The following HTT variants were observed in gnomAD, a reference collection of about 807,000 sequenced individuals.
HTT encodes the protein huntingtin, also known as huntington disease protein.
Under a neutral mutation model 362.3 loss-of-function variants are expected in HTT, and 104 were observed. The ratio of observed to expected loss-of-function variants is 0.29; its 90% CI spans 0.24 to 0.34. The LOEUF is 0.34. Among genes scored for constraint, HTT ranks in the 10% least tolerant of loss-of-function variants. The probability of loss-of-function intolerance (pLI) is 1.00; values close to 1 mark genes in which losing one functional copy is unlikely to be tolerated. For missense variants in HTT, 3,301 were observed against 3,928.6 expected (o/e 0.84, Z 4.27); for synonymous variants, 1,577 against 1,548.7 (o/e 1.02, Z -0.43).
Position 3,116,078 on chromosome 4 carries a change from C to G in HTT, c.890-7C>G. ...GATGTTAAGATGTCTTGCTTCCACCCCCACAGGCTTACTCGTTCCTGTCGA... is the reference window on the plus strand; with the variant it reads ...GATGTTAAGATGTCTTGCTTCCACCGCCACAGGCTTACTCGTTCCTGTCGA... On this transcript the variant is annotated splice_polypyrimidine_tract_variant and splice_region_variant and intron_variant, in intron 7 of 66. Transcript: ENST00000355072. 1 of 1,600,224 alleles carries G rather than the reference C, an allele frequency of 6.2e-7. No individual in the cohort carries two copies. The highest frequency in any genetic ancestry group is 8.5e-7 in the Non-Finnish European group (1 of 1,169,602).
Position 3,221,241 on chromosome 4 carries a change from T to C in HTT, c.7369+933T>C, listed in dbSNP as rs368302613. ...GGCAGGAGACACCTTGCCTCTACTT[T>C]CCCCTTTATAATTCAATGTCCAAAG... On this transcript the variant is annotated intron_variant, in intron 53 of 66. Transcript: ENST00000355072. Among the ~76,000 whole-genome samples the C allele has an allele frequency of 9.9e-5, 15 of 152,248 alleles. 1 individual carries two copies. The South Asian group carries it at 3.1e-3, about 32-fold the overall frequency.
Position 3,172,204 on chromosome 4 carries a change from C to G in HTT, c.3865-116C>G, listed in dbSNP as rs1387192928. The G allele has an allele frequency of 1.2e-5, 9 of 721,178 alleles. No homozygotes were observed. The East Asian group carries it at 2.0e-4, about 16-fold the overall frequency. 44.7% of individuals were successfully genotyped at this position (721,178 alleles called of 1,614,324 possible). ...AATTGAAAACTTTCCTCTGATTTTC[C>G]TCTACTATTTACACAATTTAAATGG... On this transcript the variant is annotated intron_variant, in intron 29 of 66. Transcript: ENST00000355072.
At chr4:3,197,399 T>C (rs542261991) in intron 40 of HTT, among the ~76,000 whole-genome samples, 1 of 152,168 alleles carries the variant, frequency 6.6e-6, no homozygotes, top group Admixed American at 6.5e-5. Flanking sequence ...GTTAATTAGA[T>C]CATTAGGGAT....
chr4:3,229,001 G>T lies in HTT; in HGVS notation c.8101G>T (p.Val2701Phe). The T allele has an allele frequency of 6.2e-7, 1 of 1,612,556 alleles. No homozygotes were observed. Among genetic ancestry groups the T allele is most frequent in the Non-Finnish European group, 8.5e-7 (1 of 1,178,820 alleles). ...RTPAILISEV[V>F]RSLLVVSDLF... ...CCCGGCCATCCTGATCAGTGAGGTG[G>T]TCAGATCCGTAAGTGAGCCTTCCCA... Residue 2701 changes from valine to phenylalanine, a missense_variant, in exon 59 of 67, where the codon GTC (valine) becomes TTC (phenylalanine). Around this residue, in one of 4 missense-constraint regions of HTT, gnomAD observed 753 missense variants for 1,021.3 expected, o/e 0.74. Coordinates refer to ENST00000355072, the MANE Select transcript of HTT (RefSeq NM_001388492.1).
At position 3,238,487 on chromosome 4, in the gene HTT, A is replaced by G; in HGVS notation, c.8932A>G (p.Arg2978Gly). 6.2e-7 allele frequency: 1 copy of G among 1,612,826 alleles called. No homozygotes were observed. The highest frequency in any genetic ancestry group is 1.3e-5 in the African/African-American group (1 of 75,034). ...TCCTTGTGAAGCCAGAGTGGTGGCC[A>G]GGATCCTGCCCCAGTTTCTAGACGA... is the stretch of plus-strand genomic sequence containing the variant. ...GFPCEARVVARILPQFLDDFF... is the reference protein window; with the variant it reads ...GFPCEARVVAGILPQFLDDFF... The change falls in exon 65 of 67, where the codon AGG becomes GGG. Residue 2978 changes from arginine to glycine, a missense_variant. Physicochemically the swap from Arg to Gly is moderately radical, Grantham distance 125. Around this residue, in one of 4 missense-constraint regions of HTT, gnomAD observed 753 missense variants for 1,021.3 expected, o/e 0.74. Transcript: ENST00000355072.
At chr4:3,161,380 A>T (rs1335053578) in intron 29 of HTT, among the ~76,000 whole-genome samples, 1 of 152,200 alleles carries the variant, frequency 6.6e-6, no homozygotes, top group East Asian at 1.9e-4. Context: ...CACAATAAAC[A>T]TACATGTGCA....
In HTT at chr4:3,074,728, A is replaced by C. The variant is rs1188138849; in HGVS notation, c.-98A>C. ...GGACGGCCGCTCAGGTTCTGCTTTT[A>C]CCTGCGGCCCAGAGCCCCATTCATT... On this transcript the variant is annotated 5_prime_UTR_variant, in exon 1 of 67. Transcript: ENST00000355072. 2.3e-6 allele frequency: 3 copies of C among 1,306,136 alleles called. No homozygotes were observed. Among genetic ancestry groups the C allele is most frequent in the South Asian group, 2.8e-5 (2 of 72,548 alleles). The allele number at this position is 1,306,136 out of a possible 1,614,324, so 80.9% of individuals were successfully genotyped here.
intron 29 of HTT, among the ~76,000 whole-genome samples, chr4:3,171,149 T>C (rs1436665166): frequency 1.3e-5 from 2 of 152,204 alleles, no homozygotes; most frequent in Non-Finnish European, 2.9e-5. Context: ...AAACAAAAAG[T>C]GGTGTGTGAC....
chr4:3,222,547 G>C (rs1476663875), intron 54 of HTT, 60 bp downstream of exon 54: 1 of 1,257,068 alleles, frequency 8.0e-7, no homozygotes, highest in South Asian at 1.3e-5. Flanking sequence ...GCAGGCCTTT[G>C]GTGGGGAATA....
chr4:3,223,307 C>T (rs1158500073), intron 54 of HTT, 99 bp from the exon 55 acceptor site: 2 of 1,218,254 alleles, frequency 1.6e-6, no homozygotes, highest in East Asian at 5.0e-5. Flanking sequence ...CTTAAGGCTC[C>T]TCTTCCTCCC....
rs569401013 is a variant in HTT at position 3,132,552 on chromosome 4, A to G, written c.2237-10A>G. On this transcript the variant is annotated splice_polypyrimidine_tract_variant and intron_variant, in intron 16 of 66. Coordinates refer to ENST00000355072, the MANE Select transcript of HTT (RefSeq NM_001388492.1). ...GAATTGTTCCATGGCTGAGCAATTT[A>G]TCTCCACAGAGGAACAGTATGTCTC... 1.1e-4 allele frequency: 179 copies of G among 1,611,172 alleles called. 2 individuals carry two copies. In the South Asian group the frequency reaches 1.8e-3, roughly 17 times the overall value.
Position 3,137,634 on chromosome 4 carries a change from G to C in HTT, c.2798+1308G>C, listed in dbSNP as rs768646713. On this transcript the variant is annotated intron_variant, in intron 21 of 66. Transcript: ENST00000355072. Reference sequence around the variant, plus strand: ...GAATCACTTGAACCTGGGAGGCGGAGGTTGCAGTGAGCAGAGATCGCGCCA... The same window carrying C: ...GAATCACTTGAACCTGGGAGGCGGACGTTGCAGTGAGCAGAGATCGCGCCA... Among the ~76,000 whole-genome samples, 120 of 152,222 alleles carry C rather than the reference G, an allele frequency of 7.9e-4. 1 individual carries two copies. Among genetic ancestry groups the C allele is most frequent in the Admixed American group, 2.0e-4 (3 of 15,286 alleles).
intron 38 of HTT, among the ~76,000 whole-genome samples, chr4:3,187,382 C>T (rs1394812570): frequency 1.3e-5 from 2 of 152,154 alleles, no homozygotes; most frequent in Non-Finnish European, 2.9e-5. Context: ...GTCGCGATCT[C>T]CTGACCTTGT....
In HTT at chr4:3,228,630, G is replaced by A. The variant is rs749588679; in HGVS notation, c.7864G>A (p.Val2622Met). ...YKLGQVSIHS[V>M]WLGNSITPLR... is the part of the protein sequence containing the mutation. ...TCTGTGGCAGGTGTCCATACACTCC[G>A]TGTGGCTGGGGAACAGCATCACACC... The change falls in exon 58 of 67, where the codon GTG (valine) becomes ATG (methionine). Residue 2622 changes from valine to methionine, a missense_variant. Physicochemically the swap from Val to Met is conservative, Grantham distance 21. Around this residue, in one of 4 missense-constraint regions of HTT, gnomAD observed 753 missense variants for 1,021.3 expected, o/e 0.74. Coordinates refer to ENST00000355072, the MANE Select transcript of HTT (RefSeq NM_001388492.1). The surrounding 1 kb of genome is among the most constrained non-coding windows in gnomAD (Gnocchi z 4.3). The A allele has an allele frequency of 3.2e-5, 50 of 1,584,084 alleles. No homozygotes were observed. The highest frequency in any genetic ancestry group is 3.0e-4 in the South Asian group (26 of 86,860).
intron 53 of HTT, among the ~76,000 whole-genome samples, chr4:3,220,648 T>C (rs1341144683): frequency 6.6e-6 from 1 of 152,128 alleles, no homozygotes; most frequent in African/African-American, 2.4e-5. Context: ...TCTCAGAATG[T>C]TTTCTTGTGT....
In HTT at chr4:3,086,940, A is replaced by G. The variant is rs1713241167; in HGVS notation, c.265A>G (p.Lys89Glu). Residue 89 changes from lysine to glutamate, a missense_variant and splice_region_variant, in exon 2 of 67, where the codon AAG becomes GAG. By Grantham distance (56) the Lys-to-Glu change is moderately conservative (BLOSUM62 1). Around this residue, in one of 4 missense-constraint regions of HTT, gnomAD observed 2,316 missense variants for 2,658.5 expected, o/e 0.87. Transcript: ENST00000355072. ...TTTCCTTCTTTTTTTTATTTTTAGA[A>G]AGAAAGAACTTTCAGCTACCAAGAA... ...AVAEEPLHRP[K>E]KELSATKKDR... 6.3e-7 allele frequency: 1 copy of G among 1,579,310 alleles called. No individual in the cohort carries two copies. Among genetic ancestry groups the G allele is most frequent in the Admixed American group, 1.7e-5 (1 of 59,404 alleles).
intron 1 of HTT, among the ~76,000 whole-genome samples, chr4:3,086,555 G>A (rs1578485923): frequency 1.3e-5 from 2 of 152,258 alleles, no homozygotes; most frequent in South Asian, 2.1e-4. Flanking sequence ...CCTGTGGTCC[G>A]CGCCACTCAG....
At chr4:3,157,742 T>C (rs1717220567) in intron 28 of HTT, among the ~76,000 whole-genome samples, 1 of 152,182 alleles carries the variant, frequency 6.6e-6, no homozygotes, top group Non-Finnish European at 1.5e-5. Flanking sequence ...TGTCTAGGGA[T>C]GTTTTAGTTT....
At chr4:3,186,019 G>C (rs965115715) in intron 37 of HTT, among the ~76,000 whole-genome samples, 1 of 152,222 alleles carries the variant, frequency 6.6e-6, no homozygotes, top group African/African-American at 2.4e-5. Context: ...GTTCTCCATT[G>C]CACTGGGTTA....
Sources: gnomAD v4.1 joint callset for allele counts (sites outside exome capture counted in the v4.1 genomes callset) on GRCh38, gnomAD v4.1.1 for gene constraint, gnomAD v4.1.1 regional missense constraint, Gnocchi (gnomAD v3.1) non-coding constraint, MANE v1.5 for transcripts, NCBI Gene and HGNC (gene_info 2026-07-23, HGNC 2026-07-21) for gene names.